The following ADGRV1 variants were observed in gnomAD, a reference collection of about 807,000 sequenced individuals.
ADGRV1 encodes the protein G-protein coupled receptor 98.
Under a neutral mutation model 596.2 loss-of-function variants are expected in ADGRV1, and 359 were observed. That is an observed-to-expected ratio of 0.60 (90% confidence interval 0.55 to 0.66). The LOEUF (loss-of-function observed/expected upper bound fraction) is 0.66. ADGRV1 is among the 30% of genes least tolerant of loss of function. The pLI is 0.00. For missense variants in ADGRV1, 7,274 were observed against 7,575.6 expected, an observed-to-expected ratio of 0.96 and a Z score of 1.48; for synonymous variants, 2,681 against 2,679.2, an observed-to-expected ratio of 1.00 and a Z score of -0.02.
chr5:90,917,433 T>C (rs10060641), intron 83 of ADGRV1, among the ~76,000 whole-genome samples: 42,391 of 150,908 alleles, frequency 0.28, 6,467 homozygotes, highest in Non-Finnish European at 0.35. Context: ...CCTACAACCA[T>C]CAAGAATGGA....
Position 90,867,420 on chromosome 5 carries a change from G to T in ADGRV1, c.17856+3563G>T, listed in dbSNP as rs376480891. 1.2e-4 allele frequency among the ~76,000 whole-genome samples: 18 copies of T among 152,044 alleles called. 1 individual carries two copies. In the East Asian group the frequency reaches 1.5e-3, roughly 13 times the overall value. On this transcript the variant is annotated intron_variant, in intron 83 of 89. Coordinates refer to ENST00000405460, the MANE Select transcript of ADGRV1 (RefSeq NM_032119.4). The stretch of plus-strand genomic sequence containing the variant: ...CTATTCTCTGGAATTTAAAAAAGTT[G>T]GACTGTTACTGTCTTTTGATCACTT...
chr5:90,628,900 C>A, intron 8 of ADGRV1, 68 bp downstream of exon 8: 2 of 1,396,486 alleles, frequency 1.4e-6, no homozygotes, highest in South Asian at 2.9e-5. Context: ...AGAATTTGGT[C>A]ATACACATCA....
At chr5:90,829,767 T>C (rs1308855389) in intron 77 of ADGRV1, among the ~76,000 whole-genome samples, 1 of 152,130 alleles carries the variant, frequency 6.6e-6, no homozygotes, top group Admixed American at 6.6e-5. Context: ...CCATATACCT[T>C]TCAGCCTTAT....
chr5:90,627,916 A>ATTCT, intron 7 of ADGRV1, 140 bp downstream of exon 7: 1 of 443,476 alleles, frequency 2.3e-6, no homozygotes, highest in Non-Finnish European at 3.9e-6. Flanking sequence ...AACTCAGAAA[A>ATTCT]GACACACACA....
At position 90,789,867 on chromosome 5, in the gene ADGRV1, T is replaced by C. The variant is rs1759878146; in HGVS notation, c.14043+16T>C. On this transcript the variant is annotated intron_variant, in intron 69 of 89. Transcript: ENST00000405460. ...AGAGATTATGGTATTACTTTTCATT[T>C]GATTTTTCAAAGTACCAGTTTGCCT... The C allele has an allele frequency of 7.5e-7, 1 of 1,337,082 alleles. No homozygotes were observed. The highest frequency in any genetic ancestry group is 9.7e-7 in the Non-Finnish European group (1 of 1,031,448). The allele number at this position is 1,337,082 out of a possible 1,614,324, so 82.8% of individuals were successfully genotyped here.
At chr5:90,618,052 C>T (rs1763591761) in intron 3 of ADGRV1, 99 bp downstream of exon 3, 1 of 829,292 alleles carries the variant, frequency 1.2e-6, no homozygotes, top group African/African-American at 1.7e-5. Context: ...AGAGATGAGC[C>T]AATTCAGATA....
At position 90,823,520 on chromosome 5, in the gene ADGRV1, A is replaced by C; in HGVS notation, c.16292A>C (p.Gln5431Pro). 6.2e-7 allele frequency: 1 copy of C among 1,613,956 alleles called. No individual in the cohort carries two copies. Among genetic ancestry groups the C allele is most frequent in the East Asian group, 2.2e-5 (1 of 44,870 alleles). Residue 5431 changes from glutamine (Q) to proline (P), a missense_variant, in exon 76 of 90, where the codon CAG (glutamine) becomes CCG (proline). Gln to Pro is a moderately conservative substitution (Grantham distance 76, BLOSUM62 -1). Coordinates refer to ENST00000405460, the MANE Select transcript of ADGRV1 (RefSeq NM_032119.4). ...GGGGTAAACCTGGTGGAGGAACTTC[A>C]GTCTGTGTCAGGGACCACAACCTGT... Reference protein sequence around the residue: ...KDGVNLVEELQSVSGTTTCTM... With the variant: ...KDGVNLVEELPSVSGTTTCTM...
At position 90,685,810 on chromosome 5, in the gene ADGRV1, T is replaced by C. The variant is rs1218966125; in HGVS notation, c.6305T>C (p.Val2102Ala). 1.2e-6 allele frequency: 2 copies of C among 1,610,608 alleles called. No homozygotes were observed. Among genetic ancestry groups the C allele is most frequent in the Admixed American group, 3.3e-5 (2 of 59,854 alleles). ...IPNSPRLGPK[V>A]ETIAQLIIIA... ...AATTCTCCACGTCTTGGGCCTAAGGTAGAAACTATTGCGCAACTAATTATC... is the reference window on the plus strand; with the variant it reads ...AATTCTCCACGTCTTGGGCCTAAGGCAGAAACTATTGCGCAACTAATTATC... The change falls in exon 29 of 90, where the codon GTA (valine) becomes GCA (alanine). Residue 2102 changes from valine to alanine, a missense_variant. Coordinates refer to ENST00000405460, the MANE Select transcript of ADGRV1 (RefSeq NM_032119.4).
At chr5:91,057,819 T>C (rs1239710736) in intron 85 of ADGRV1, among the ~76,000 whole-genome samples, 1 of 152,178 alleles carries the variant, frequency 6.6e-6, no homozygotes, top group Non-Finnish European at 1.5e-5. Flanking sequence ...TGTATTATTT[T>C]ACATGAATTT....
At position 90,686,162 on chromosome 5, in the gene ADGRV1, T is replaced by TG. The variant is rs201537579; in HGVS notation, c.6490+177dup. Reference sequence around the variant, plus strand: ...GGGACAAATCTAGAGTCTTTTTTTTTGGGGGGGGGGATGGAGTCTCGCTTG... The same window carrying TG: ...GGGACAAATCTAGAGTCTTTTTTTTTGGGGGGGGGGGATGGAGTCTCGCTTG... On this transcript the variant is annotated intron_variant, in intron 29 of 89. Transcript: ENST00000405460. 4.9e-3 allele frequency among the ~76,000 whole-genome samples: 720 copies of TG among 146,484 alleles called. 4 individuals are homozygous for TG. The highest frequency in any genetic ancestry group is 0.022 in the Admixed American group (329 of 14,676).
At chr5:90,615,635 A>G (rs1373367383) in intron 2 of ADGRV1, among the ~76,000 whole-genome samples, 1 of 151,942 alleles carries the variant, frequency 6.6e-6, no homozygotes, top group Admixed American at 6.6e-5. Context: ...TTTTGTTTGC[A>G]AAAATAAAAT....
intron 85 of ADGRV1, among the ~76,000 whole-genome samples, chr5:91,052,926 A>T (rs1269504045): frequency 6.6e-6 from 1 of 152,112 alleles, no homozygotes; most frequent in Non-Finnish European, 1.5e-5. Flanking sequence ...TTGCTGATCT[A>T]CTCAATATTA....
At chr5:90,873,718 C>T (rs146894122) in intron 83 of ADGRV1, among the ~76,000 whole-genome samples, 3,531 of 151,898 alleles carry the variant, frequency 0.023, 162 homozygotes, top group African/African-American at 0.082. Flanking sequence ...TTGCTTGAGC[C>T]CAGGAGTTGG....
At chr5:90,574,681 C>A (rs538360526) in intron 1 of ADGRV1, among the ~76,000 whole-genome samples, 3 of 152,108 alleles carry the variant, frequency 2.0e-5, no homozygotes, top group Non-Finnish European at 4.4e-5. Flanking sequence ...GTTCCTTGTA[C>A]GTCTGGTAGA....
intron 53 of ADGRV1, among the ~76,000 whole-genome samples, chr5:90,752,975 C>G (rs546806941): frequency 6.6e-6 from 1 of 152,062 alleles, no homozygotes; most frequent in East Asian, 1.9e-4. Flanking sequence ...AGGTGGGAAT[C>G]AGTGAAAAAT....
At chr5:90,565,137 T>G (rs1357057136) in intron 1 of ADGRV1, among the ~76,000 whole-genome samples, 1 of 152,066 alleles carries the variant, frequency 6.6e-6, no homozygotes, top group Non-Finnish European at 1.5e-5. Flanking sequence ...CTTGGGAGGC[T>G]GAGTCAAGAG....
intron 1 of ADGRV1, among the ~76,000 whole-genome samples, chr5:90,607,906 C>T (rs10474328): frequency 0.03 from 4,591 of 151,944 alleles, 216 homozygotes; most frequent in African/African-American, 0.11. Flanking sequence ...GAATAAATAA[C>T]AAATTATTTT....
intron 63 of ADGRV1, 62 bp downstream of exon 63, chr5:90,778,671 CTT>C: frequency 7.4e-7 from 1 of 1,347,152 alleles, no homozygotes. Flanking sequence ...AAAATGTTTT[CTT>C]GTTTCTATTC....
At chr5:91,090,380 G>A (rs1415990190) in intron 86 of ADGRV1, among the ~76,000 whole-genome samples, 1 of 151,892 alleles carries the variant, frequency 6.6e-6, no homozygotes, top group East Asian at 1.9e-4. Context: ...TATAGCTTTT[G>A]CAAGGCAAGA....
Sources: allele counts gnomAD v4.1 joint callset (sites outside exome capture counted in the v4.1 genomes callset), GRCh38; gene constraint gnomAD v4.1.1; transcripts MANE v1.5; gene names NCBI Gene and HGNC (gene_info 2026-07-23, HGNC 2026-07-21).